CDH4: variants seen among roughly 807,000 people sequenced by gnomAD.
CDH4 encodes cadherin 4, also known as cadherin-4.
CDH4 carries 33 observed loss-of-function variants against 86.0 expected under a neutral mutation model. That is an observed-to-expected ratio of 0.38 (90% CI 0.29 to 0.51). CDH4 has a LOEUF of 0.51. CDH4 is among the 20% of genes least tolerant of loss of function. The probability of loss-of-function intolerance (pLI) is 0.86; values close to 1 mark genes in which losing one functional copy is unlikely to be tolerated. For missense variants in CDH4, 1,114 were observed against 1,307.4 expected, an observed-to-expected ratio of 0.85 and a Z score of 2.28; for synonymous variants, 555 against 549.4, an observed-to-expected ratio of 1.01 and a Z score of -0.14.
At chr20:61,254,685 ATC>A in intron 1 of CDH4, 139 bp from the exon 2 acceptor site, 1 of 665,040 alleles carries the variant, frequency 1.5e-6, no homozygotes, top group Non-Finnish European at 2.8e-6. Context: ...CAGACGGGGT[ATC>A]GCGTCTGGGT....
intron 2 of CDH4, among the ~76,000 whole-genome samples, chr20:61,638,899 G>C (rs1051531808): frequency 1.3e-5 from 2 of 152,148 alleles, no homozygotes; most frequent in African/African-American, 2.4e-5. Flanking sequence ...GTAGGGTAGG[G>C]AATTGAAGCC....
intron 2 of CDH4, among the ~76,000 whole-genome samples, chr20:61,712,679 G>A (rs1206234653): frequency 6.6e-6 from 1 of 152,208 alleles, no homozygotes; most frequent in African/African-American, 2.4e-5. Context: ...CCAAGGGACA[G>A]ACCAAAGTCA....
chr20:61,844,640 C>T (rs771244122), intron 4 of CDH4, 28 bp from the exon 5 acceptor site: 1 of 1,594,840 alleles, frequency 6.3e-7, no homozygotes, highest in Admixed American at 1.7e-5. Flanking sequence ...ACAGGATAAC[C>T]TCTTCTCGCT....
chr20:61,790,702 GTC>G (rs1979136923), intron 4 of CDH4, among the ~76,000 whole-genome samples: 1 of 128,572 alleles, frequency 7.8e-6, no homozygotes, highest in Non-Finnish European at 1.6e-5. Context: ...CCATCCATTT[GTC>G]TCTCCATCCA....
At chr20:61,442,935 C>G (rs1422139627) in intron 2 of CDH4, among the ~76,000 whole-genome samples, 1 of 152,130 alleles carries the variant, frequency 6.6e-6, no homozygotes, top group Non-Finnish European at 1.5e-5. Flanking sequence ...TAACAGTGTC[C>G]CTGGCCGCCA....
intron 8 of CDH4, among the ~76,000 whole-genome samples, chr20:61,896,828 G>A (rs763275072): frequency 1.3e-5 from 2 of 152,194 alleles, no homozygotes; most frequent in African/African-American, 2.4e-5. Context: ...CCAGGCCCAA[G>A]AGCGCAGCAG....
intron 2 of CDH4, among the ~76,000 whole-genome samples, chr20:61,495,406 G>A (rs2085653796): frequency 6.6e-6 from 1 of 152,098 alleles, no homozygotes; most frequent in South Asian, 2.1e-4. Flanking sequence ...CCCGCCGCCA[G>A]CCCCCCGCTT....
In CDH4 at chr20:61,935,696, G is replaced by A. The variant is rs189281368; in HGVS notation, c.2545-1041G>A. ...AGGTCAGGAGTTCAAGACCAGACTG[G>A]CCAACATGGTGAGACCCCCGTCTCT... On this transcript the variant is annotated intron_variant, in intron 15 of 15. Transcript: ENST00000614565. Among the ~76,000 whole-genome samples, 859 of 152,226 alleles carry A rather than the reference G, an allele frequency of 5.6e-3. 9 individuals are homozygous for A. The highest frequency in any genetic ancestry group is 0.018 in the African/African-American group (730 of 41,488).
At chr20:61,607,914 C>T (rs1479455346) in intron 2 of CDH4, among the ~76,000 whole-genome samples, 1 of 152,222 alleles carries the variant, frequency 6.6e-6, no homozygotes, top group African/African-American at 2.4e-5. Context: ...TCTCACAGTG[C>T]AGAGTCTCCC....
chr20:61,789,927 A>T (rs1318219568), intron 4 of CDH4, among the ~76,000 whole-genome samples: 1 of 152,216 alleles, frequency 6.6e-6, no homozygotes, highest in Non-Finnish European at 1.5e-5. Context: ...CCATGTTGCA[A>T]ATTCAAGGTG....
chr20:61,677,687 G>A (rs1568750006), intron 2 of CDH4, among the ~76,000 whole-genome samples: 3 of 151,782 alleles, frequency 2.0e-5, no homozygotes, highest in African/African-American at 4.8e-5. Context: ...ACAGACGGAC[G>A]GACGGACAGA....
Position 61,252,503 on chromosome 20 carries a change from C to A in CDH4, c.-11C>A, listed in dbSNP as rs753268655. 2 of 1,173,224 alleles carry A rather than the reference C, an allele frequency of 1.7e-6. No homozygotes were observed. Among genetic ancestry groups the A allele is most frequent in the Admixed American group, 4.7e-5 (1 of 21,416 alleles). 72.7% of individuals were successfully genotyped at this position (1,173,224 alleles called of 1,614,324 possible). ...CTCCCGGTGCCGGGCACCGGGCGGG[C>A]GGCGGGGAAGATGACCGCGGGCGCC... On this transcript the variant is annotated 5_prime_UTR_variant, in exon 1 of 16. Coordinates refer to ENST00000614565, the MANE Select transcript of CDH4 (RefSeq NM_001794.5). The surrounding 1 kb of genome is among the most constrained non-coding windows in gnomAD (Gnocchi z 4.4).
At chr20:61,322,393 C>A (rs2084513703) in intron 2 of CDH4, among the ~76,000 whole-genome samples, 1 of 152,206 alleles carries the variant, frequency 6.6e-6, no homozygotes, top group Non-Finnish European at 1.5e-5. Flanking sequence ...ACACCTGCAG[C>A]TGAACTGAGC....
chr20:61,755,368 CCACA>C lies in CDH4; in HGVS notation c.396+11597_396+11600del, dbSNP rs35461836. Among the ~76,000 whole-genome samples the C allele has an allele frequency of 3.8e-3, 553 of 144,728 alleles. 5 individuals carry two copies. The highest frequency in any genetic ancestry group is 7.6e-3 in the African/African-American group (293 of 38,706). The allele number at this position is 144,728 out of a possible 152,430, so 94.9% of individuals were successfully genotyped here. On this transcript the variant is annotated intron_variant, in intron 3 of 15. Coordinates refer to ENST00000614565, the MANE Select transcript of CDH4 (RefSeq NM_001794.5). ...ACACACATAGTGCATGCCACACACACCACACACACACACACACACACGCCCCATG... is the reference window on the plus strand; with the variant it reads ...ACACACATAGTGCATGCCACACACACCACACACACACACACACGCCCCATG...
At chr20:61,505,960 A>T (rs1168478606) in intron 2 of CDH4, among the ~76,000 whole-genome samples, 3 of 152,264 alleles carry the variant, frequency 2.0e-5, no homozygotes, top group Non-Finnish European at 4.4e-5. Context: ...TGCCAGGTCC[A>T]TTCGAAGTCT....
chr20:61,813,848 G>A (rs767938138), intron 4 of CDH4, among the ~76,000 whole-genome samples: 3 of 152,116 alleles, frequency 2.0e-5, no homozygotes, highest in Non-Finnish European at 2.9e-5. Flanking sequence ...GATTACCAAC[G>A]GCCCTACCCC....
At position 61,559,519 on chromosome 20, in the gene CDH4, C is replaced by CTT. The variant is rs1156864328; in HGVS notation, c.170-184026_170-184025dup. Among the ~76,000 whole-genome samples the CTT allele has an allele frequency of 7.2e-4, 76 of 105,142 alleles. 2 individuals are homozygous for CTT. The highest frequency in any genetic ancestry group is 2.2e-3 in the African/African-American group (52 of 23,732). The allele number at this position is 105,142 out of a possible 152,430, so 69.0% of individuals were successfully genotyped here. On this transcript the variant is annotated intron_variant, in intron 2 of 15. Coordinates refer to ENST00000614565, the MANE Select transcript of CDH4 (RefSeq NM_001794.5). ...TCTCCTTTCTTTTTAATTTTTTTTT[C>CTT]TTTTTTTTTTTTTTTTTTTGACACA...
chr20:61,798,289 G>A (rs62206275), intron 4 of CDH4, among the ~76,000 whole-genome samples: 35,326 of 151,832 alleles, frequency 0.23, 4,284 homozygotes, highest in African/African-American at 0.26. Flanking sequence ...GTCCCGCCTC[G>A]CACGCATCCC....
chr20:61,700,212 G>A (rs959722198), intron 2 of CDH4, among the ~76,000 whole-genome samples: 4 of 152,322 alleles, frequency 2.6e-5, no homozygotes, highest in African/African-American at 9.6e-5. Flanking sequence ...GATTCACAGT[G>A]AGGGAGGCCC....
Sources: allele counts gnomAD v4.1 joint callset (sites outside exome capture counted in the v4.1 genomes callset), GRCh38; gene constraint gnomAD v4.1.1; non-coding constraint Gnocchi (gnomAD v3.1); transcripts MANE v1.5; gene names NCBI Gene and HGNC (gene_info 2026-07-23, HGNC 2026-07-21).